TRHDE: variants seen among roughly 807,000 people sequenced by gnomAD.
The protein encoded by TRHDE is thyrotropin-releasing hormone-degrading ectoenzyme.
A neutral mutation model predicts 125.7 loss-of-function variants in TRHDE; 72 were observed. The ratio of observed to expected loss-of-function variants is 0.57; its 90% confidence interval spans 0.47 to 0.70. The LOEUF (loss-of-function observed/expected upper bound fraction) is 0.70. Among genes scored for constraint, TRHDE ranks in the 30% least tolerant of loss-of-function variants. TRHDE has a pLI of 0.00. For synonymous variants in TRHDE, 509 were observed against 509.1 expected, an observed-to-expected ratio of 1.00 and a Z score of 0.00; for missense variants, 1,110 against 1,327.1, an observed-to-expected ratio of 0.84 and a Z score of 2.54.
intron 2 of TRHDE, among the ~76,000 whole-genome samples, chr12:72,200,247 G>C (rs992989005): frequency 2.0e-5 from 3 of 152,170 alleles, no homozygotes; most frequent in African/African-American, 7.2e-5. Flanking sequence ...GGTTTGTGTA[G>C]TATAGTAAGG....
Position 72,273,965 on chromosome 12 carries a change from C to G in TRHDE, c.914+408C>G, listed in dbSNP as rs1342603954. On this transcript the variant is annotated intron_variant, in intron 1 of 18. Transcript: ENST00000261180. This position sits in a 1 kb window ranked among gnomAD's most constrained non-coding sequence, Gnocchi z 5.3. ...GTGGCGCTGAAGGCCAAGACAACAG[C>G]GCATCCAGGTTAGCATGTCAGGGCA... The G allele has an allele frequency of 5.3e-6, 1 of 189,130 alleles. No homozygotes were observed. Among genetic ancestry groups the G allele is most frequent in the Non-Finnish European group, 1.1e-5 (1 of 89,836 alleles). 11.7% of individuals were successfully genotyped at this position (189,130 alleles called of 1,614,324 possible).
At chr12:72,565,934 A>T (rs536858609) in intron 9 of TRHDE, among the ~76,000 whole-genome samples, 11 of 152,196 alleles carry the variant, frequency 7.2e-5, no homozygotes, top group South Asian at 6.2e-4. Flanking sequence ...GCTGGAACAC[A>T]ATCTAATTTC....
chr12:72,207,202 T>C (rs1877685348), intron 2 of TRHDE, among the ~76,000 whole-genome samples: 1 of 152,336 alleles, frequency 6.6e-6, no homozygotes, highest in South Asian at 2.1e-4. Context: ...CCAGAAAAGA[T>C]ATGTGCAAAA....
intron 15 of TRHDE, among the ~76,000 whole-genome samples, chr12:72,645,228 A>AGT (rs1324755940): frequency 6.6e-6 from 1 of 152,230 alleles, no homozygotes; most frequent in Non-Finnish European, 1.5e-5. Context: ...TCAAGAGTAC[A>AGT]GTGCATTAAA....
At chr12:72,272,099 C>T, upstream of TRHDE, 2 of 457,446 alleles carry the variant, frequency 4.4e-6, no homozygotes, top group East Asian at 6.9e-5. This position sits in a 1 kb window ranked among gnomAD's most constrained non-coding sequence, Gnocchi z 6.7. Context: ...CGGGTGCCTC[C>T]CGTGCTGTGG....
At chr12:72,414,091 C>CTA (rs1873629015) in intron 3 of TRHDE, among the ~76,000 whole-genome samples, 2 of 152,018 alleles carry the variant, frequency 1.3e-5, no homozygotes, top group South Asian at 4.1e-4. Flanking sequence ...AGGACTATTA[C>CTA]TATTTGTGTT....
At chr12:72,290,198 T>A (rs1880035032) in intron 2 of TRHDE, among the ~76,000 whole-genome samples, 1 of 152,182 alleles carries the variant, frequency 6.6e-6, no homozygotes, top group Admixed American at 6.5e-5. Flanking sequence ...GAGAAGCAGA[T>A]ACTGTGTGCA....
At chr12:72,422,826 G>A (rs546058257) in intron 3 of TRHDE, among the ~76,000 whole-genome samples, 2 of 152,162 alleles carry the variant, frequency 1.3e-5, no homozygotes, top group Admixed American at 1.3e-4. Context: ...GGTCATGAGG[G>A]CTCTTTCATT....
chr12:72,248,867 A>G (rs1224366378), intron 2 of TRHDE, among the ~76,000 whole-genome samples: 1 of 152,244 alleles, frequency 6.6e-6, no homozygotes, highest in Non-Finnish European at 1.5e-5. Context: ...AACAGTTTAC[A>G]TATTTGAAAC....
At chr12:72,405,622 A>G (rs1196949941) in intron 3 of TRHDE, among the ~76,000 whole-genome samples, 2 of 152,226 alleles carry the variant, frequency 1.3e-5, no homozygotes, top group Non-Finnish European at 2.9e-5. Flanking sequence ...ACCACAGAAG[A>G]GAAAATTAAA....
chr12:72,501,013 C>T (rs1466843664), intron 6 of TRHDE, among the ~76,000 whole-genome samples: 2 of 151,902 alleles, frequency 1.3e-5, no homozygotes, highest in Admixed American at 1.3e-4. Flanking sequence ...TTGACTGACC[C>T]ATGAATACAG....
chr12:72,568,657 G>T lies in TRHDE; in HGVS notation c.2131+1G>T. ...ATTATTTGGGTGTCTAACAAATCAG[G>T]TAAACTATATATTCTCCCCTGAGGA... On this transcript the variant is annotated splice_donor_variant, in intron 10 of 18. Coordinates refer to ENST00000261180, the MANE Select transcript of TRHDE (RefSeq NM_013381.3). LOFTEE classifies it high-confidence loss of function. 1.3e-6 allele frequency: 2 copies of T among 1,598,992 alleles called. No homozygotes were observed. The highest frequency in any genetic ancestry group is 1.7e-5 in the Admixed American group (1 of 59,868).
At chr12:72,497,072 A>T (rs1031861258) in intron 5 of TRHDE, among the ~76,000 whole-genome samples, 1 of 151,914 alleles carries the variant, frequency 6.6e-6, no homozygotes, top group Admixed American at 6.6e-5. Context: ...TAATCCATTT[A>T]TGCATATAAA....
At chr12:72,112,792 G>A (rs1250561287) in intron 2 of TRHDE, among the ~76,000 whole-genome samples, 1 of 152,120 alleles carries the variant, frequency 6.6e-6, no homozygotes, top group Non-Finnish European at 1.5e-5. Flanking sequence ...ACTGCATTCT[G>A]TGAAAAACTG....
At chr12:72,141,237 C>A (rs1876104972) in intron 2 of TRHDE, among the ~76,000 whole-genome samples, 1 of 152,108 alleles carries the variant, frequency 6.6e-6, no homozygotes, top group African/African-American at 2.4e-5. Flanking sequence ...CCCCTGACTA[C>A]TCTAAAGCCT....
At chr12:72,256,515 A>T (rs74103677) in intron 2 of TRHDE, 33,005 of 147,146 alleles carry the variant, frequency 0.22, 4,052 homozygotes, top group Middle Eastern at 0.36. Context: ...TTAAAAAAAA[A>T]TTGTCTCCCT....
chr12:72,628,479 G>A (rs1031576424), intron 15 of TRHDE, among the ~76,000 whole-genome samples: 3 of 151,786 alleles, frequency 2.0e-5, no homozygotes, highest in Admixed American at 6.6e-5. Context: ...GGCAGAATCC[G>A]TACTGAAACA....
intron 2 of TRHDE, among the ~76,000 whole-genome samples, chr12:72,219,586 A>G (rs1035157891): frequency 6.6e-6 from 1 of 152,116 alleles, no homozygotes; most frequent in Non-Finnish European, 1.5e-5. Flanking sequence ...GGTCCACATG[A>G]CAGGCCTATT....
intron 2 of TRHDE, among the ~76,000 whole-genome samples, chr12:72,131,652 A>G (rs1875869357): frequency 6.6e-6 from 1 of 152,176 alleles, no homozygotes; most frequent in Non-Finnish European, 1.5e-5. Context: ...CGGTTATTCA[A>G]TGGCTGCTGT....
Sources: allele counts gnomAD v4.1 joint callset (sites outside exome capture counted in the v4.1 genomes callset), GRCh38; gene constraint gnomAD v4.1.1; non-coding constraint Gnocchi (gnomAD v3.1); transcripts MANE v1.5; gene names NCBI Gene and HGNC (gene_info 2026-07-23, HGNC 2026-07-21).